Variants in PKHD1 observed in about 807,000 individuals in gnomAD.
The protein encoded by PKHD1 is fibrocystin.
A neutral mutation model predicts 412.0 loss-of-function variants in PKHD1; 291 were observed. That is an observed-to-expected ratio of 0.71 (90% CI 0.64 to 0.78). The LOEUF (loss-of-function observed/expected upper bound fraction) is 0.78. PKHD1 is among the 30% of genes least tolerant of loss of function. The pLI, the probability that PKHD1 is intolerant of heterozygous loss-of-function variation, is 0.00. For missense variants in PKHD1, 4,825 were observed against 4,950.7 expected (o/e 0.97, Z 0.76); for synonymous variants, 1,777 against 1,821.5 (o/e 0.98, Z 0.62).
chr6:51,696,777 C>T (rs1445121631), intron 60 of PKHD1, among the ~76,000 whole-genome samples: 3 of 152,174 alleles, frequency 2.0e-5, no homozygotes, highest in Non-Finnish European at 4.4e-5. Flanking sequence ...CCAGAAACTA[C>T]GTGTGTCATT....
rs370436973 is a variant in PKHD1, at chr6:52,046,132, C to G, written c.2464G>C (p.Asp822His). 1.9e-6 allele frequency: 3 copies of G among 1,613,412 alleles called. No individual in the cohort carries two copies. In the African/African-American group the frequency reaches 4.0e-5, roughly 22 times the overall value. The change falls in exon 24 of 67, where the codon GAT becomes CAT. Residue 822 changes from aspartate (D) to histidine (H), a missense_variant. Physicochemically the swap from Asp to His is moderately conservative, Grantham distance 81. Transcript: ENST00000371117. Reference protein sequence around the residue: ...HLHQLLQNNADDFTSRYLNAS... With the variant: ...HLHQLLQNNAHDFTSRYLNAS... ...TTGAGGTACCTGGATGTGAAGTCATCGGCATTATTCTGTAAGAGCTGGTGA... is the reference window on the plus strand; with the variant it reads ...TTGAGGTACCTGGATGTGAAGTCATGGGCATTATTCTGTAAGAGCTGGTGA...
At chr6:51,898,551 A>G (rs571396735) in intron 43 of PKHD1, among the ~76,000 whole-genome samples, 46 of 145,820 alleles carry the variant, frequency 3.2e-4, no homozygotes, top group African/African-American at 1.1e-3. Flanking sequence ...AAATGCCCAC[A>G]GGAGAAAGCA....
chr6:51,693,735 A>T (rs969450629), intron 60 of PKHD1, among the ~76,000 whole-genome samples: 87 of 152,214 alleles, frequency 5.7e-4, no homozygotes, highest in Non-Finnish European at 3.2e-4. Flanking sequence ...TGAAAACAAT[A>T]ACAACAATAA....
At chr6:51,713,823 C>T (rs1363119052) in intron 60 of PKHD1, among the ~76,000 whole-genome samples, 1 of 152,110 alleles carries the variant, frequency 6.6e-6, no homozygotes, top group African/African-American at 2.4e-5. Flanking sequence ...TGATACACTC[C>T]CCTAACAGAC....
At chr6:52,027,926 T>C in intron 30 of PKHD1, 30 bp from the exon 31 acceptor site, 1 of 1,535,946 alleles carries the variant, frequency 6.5e-7, no homozygotes, top group African/African-American at 1.4e-5. Context: ...GTTTAGGAAA[T>C]AACTGACAGA....
intron 61 of PKHD1, among the ~76,000 whole-genome samples, chr6:51,653,979 G>C (rs1328567552): frequency 3.3e-5 from 5 of 152,230 alleles, no homozygotes; most frequent in Middle Eastern, 3.4e-3. Context: ...GGGAGCTGTA[G>C]CAGTCATAAG....
chr6:52,017,882 A>G lies in PKHD1; in HGVS notation c.5381-253T>C, dbSNP rs2435321. ...AGCCAACATAAGATATAAAACACTT[A>G]TAATACACTTAAATCTGTGTGTTTC... is the stretch of plus-strand genomic sequence containing the variant. On this transcript the variant is annotated intron_variant, in intron 33 of 66. Coordinates refer to ENST00000371117, the MANE Select transcript of PKHD1 (RefSeq NM_138694.4). Among the ~76,000 whole-genome samples the G allele has an allele frequency of 1, 152,144 of 152,362 alleles. 75,963 individuals carry two copies. Among genetic ancestry groups the G allele is most frequent in the Middle Eastern group, 1 (294 of 294 alleles).
chr6:51,847,507 C>G (rs1771399759), intron 50 of PKHD1, among the ~76,000 whole-genome samples: 1 of 152,158 alleles, frequency 6.6e-6, no homozygotes, highest in South Asian at 2.1e-4. Context: ...TATTTAATTT[C>G]CTATCCTTTG....
At chr6:51,645,690 G>A (rs867140816) in intron 63 of PKHD1, among the ~76,000 whole-genome samples, 1 of 152,296 alleles carries the variant, frequency 6.6e-6, no homozygotes. Flanking sequence ...GCCGTTCCCA[G>A]CCTGAAAACA....
intron 60 of PKHD1, among the ~76,000 whole-genome samples, chr6:51,741,602 T>C (rs1214506849): frequency 6.6e-6 from 1 of 152,188 alleles, no homozygotes; most frequent in Admixed American, 6.5e-5. Flanking sequence ...TGGGATAATT[T>C]GGGGTGCTGT....
intron 49 of PKHD1, 140 bp from the exon 50 acceptor site, chr6:51,848,110 A>G (rs1771539110): frequency 5.9e-6 from 4 of 678,244 alleles, no homozygotes; most frequent in Non-Finnish European, 5.3e-6. Flanking sequence ...TTAGACCCAG[A>G]TTGTACTTTT....
intron 52 of PKHD1, among the ~76,000 whole-genome samples, chr6:51,829,452 G>A (rs1351499524): frequency 6.6e-6 from 1 of 152,102 alleles, no homozygotes; most frequent in Admixed American, 6.6e-5. Flanking sequence ...AGCTTGCTTA[G>A]TGGGAAAAAC....
At chr6:51,989,166 C>T (rs1796567303) in intron 35 of PKHD1, among the ~76,000 whole-genome samples, 1 of 152,072 alleles carries the variant, frequency 6.6e-6, no homozygotes, top group South Asian at 2.1e-4. Context: ...TTACCTTCTA[C>T]AAAAACTTCA....
intron 60 of PKHD1, among the ~76,000 whole-genome samples, chr6:51,686,589 T>A (rs965776682): frequency 6.6e-6 from 1 of 152,198 alleles, no homozygotes; most frequent in Non-Finnish European, 1.5e-5. Context: ...ATAGCACTTA[T>A]AACTTTATAA....
Position 51,911,892 on chromosome 6 carries a change from C to G in PKHD1, c.6397G>C (p.Ala2133Pro). Residue 2133 changes from alanine (A) to proline (P), a missense_variant, in exon 39 of 67, where the codon GCT becomes CCT. Physicochemically the swap from Ala to Pro is conservative, Grantham distance 27. Transcript: ENST00000371117. ...GEHHILKATV[A>P]LLSRSITIQG... is the part of the protein sequence containing the mutation. ...ATGGTAATACTCCTGCTGAGCAGAGCCACAGTGGCCTTTAAAATATGGTGC... is the reference window on the plus strand; with the variant it reads ...ATGGTAATACTCCTGCTGAGCAGAGGCACAGTGGCCTTTAAAATATGGTGC... 2 of 1,611,220 alleles carry G rather than the reference C, an allele frequency of 1.2e-6. No individual in the cohort carries two copies. The highest frequency in any genetic ancestry group is 1.1e-5 in the South Asian group (1 of 91,042).
intron 60 of PKHD1, chr6:51,682,367 T>C (rs1165144032): frequency 2.8e-6 from 1 of 353,776 alleles, no homozygotes. Context: ...AAGCTCTTTG[T>C]AAAACTAGTT....
At chr6:51,825,754 T>C (rs755107087) in intron 52 of PKHD1, among the ~76,000 whole-genome samples, 7 of 152,116 alleles carry the variant, frequency 4.6e-5, no homozygotes, top group Admixed American at 2.0e-4. Context: ...AATGATACAG[T>C]TTCAGAACAC....
chr6:51,822,996 C>A (rs776915712), intron 52 of PKHD1, among the ~76,000 whole-genome samples: 10 of 151,904 alleles, frequency 6.6e-5, no homozygotes, highest in Non-Finnish European at 1.3e-4. Flanking sequence ...TACTTGAAAT[C>A]CTGGGGAAAG....
chr6:52,050,195 C>T lies in PKHD1; in HGVS notation c.2241G>A (p.Leu747=). The T allele has an allele frequency of 1.2e-6, 2 of 1,614,216 alleles. No homozygotes were observed. The highest frequency in any genetic ancestry group is 1.1e-5 in the South Asian group (1 of 91,082). The change falls in exon 22 of 67, where the codon CTG becomes CTA. Residue 747 remains leucine (L), a synonymous_variant. Coordinates refer to ENST00000371117, the MANE Select transcript of PKHD1 (RefSeq NM_138694.4). Reference sequence around the variant, plus strand: ...GCGGGAGCTCCGTGCCACACCCCGCCAGCCAGGAGGTGACACTGTAGACCG... The same window carrying T: ...GCGGGAGCTCCGTGCCACACCCCGCTAGCCAGGAGGTGACACTGTAGACCG... ...SPPVYSVTSW[L]AGCGTELPLI... is the part of the protein sequence containing the mutation.
Sources: allele counts gnomAD v4.1 joint callset (sites outside exome capture counted in the v4.1 genomes callset), GRCh38; gene constraint gnomAD v4.1.1; transcripts MANE v1.5; gene names NCBI Gene and HGNC (gene_info 2026-07-23, HGNC 2026-07-21).